Variants in RPS6KA6 observed in about 807,000 individuals in gnomAD.
RPS6KA6 encodes ribosomal protein S6 kinase A6.
In RPS6KA6, 27 loss-of-function variants were observed where a neutral mutation model predicts 65.4. The observed-to-expected ratio is 0.41, with a 90% confidence interval of 0.30 to 0.57. The LOEUF (loss-of-function observed/expected upper bound fraction) is 0.57, where lower values mean the gene tolerates loss of function less well. Among genes scored for constraint, RPS6KA6 ranks in the 20% least tolerant of loss-of-function variants. RPS6KA6 has a pLI of 0.24. For missense variants in RPS6KA6, 486 were observed against 555.6 expected (o/e 0.87, Z 1.26); for synonymous variants, 190 against 184.2 (o/e 1.03, Z -0.26).
intron 20 of RPS6KA6, among the ~76,000 whole-genome samples, chrX:84,069,409 T>C (rs1267810401): frequency 8.9e-6 from 1 of 111,828 alleles, no homozygotes; most frequent in Non-Finnish European, 1.9e-5. Context: ...ATATAAAAAT[T>C]AACTCAAGGT....
chrX:84,116,149 T>G (rs2034560511), intron 12 of RPS6KA6, 80 bp downstream of exon 12: 1 of 559,026 alleles, frequency 1.8e-6, no homozygotes. Flanking sequence ...ATTTGTTATT[T>G]AGATTAAAAG....
At chrX:84,070,759 A>T (rs1330841113) in intron 20 of RPS6KA6, among the ~76,000 whole-genome samples, 2 of 110,827 alleles carry the variant, frequency 1.8e-5, no homozygotes, top group African/African-American at 6.6e-5. Flanking sequence ...AAATAAATGG[A>T]CAATTAATAC....
chrX:84,102,884 C>G (rs1469201653), intron 17 of RPS6KA6, among the ~76,000 whole-genome samples: 1 of 110,438 alleles, frequency 9.1e-6, no homozygotes, highest in Non-Finnish European at 1.9e-5. Context: ...ACTCTGAATG[C>G]TGAGTGGAGG....
chrX:84,093,576 G>A (rs916157768), intron 20 of RPS6KA6, among the ~76,000 whole-genome samples: 6 of 111,892 alleles, frequency 5.4e-5, no homozygotes, highest in Non-Finnish European at 7.5e-5. Context: ...TAAAAGAGAC[G>A]TAAGAATAAA....
intron 18 of RPS6KA6, 41 bp from the exon 19 acceptor site, chrX:84,097,889 A>ATG: frequency 1.1e-6 from 1 of 943,974 alleles, no homozygotes. Context: ...ACTCAATATA[A>ATG]ACTCAATTTT....
intron 20 of RPS6KA6, among the ~76,000 whole-genome samples, chrX:84,071,814 T>C (rs1295395723): frequency 9.0e-6 from 1 of 111,471 alleles, no homozygotes; most frequent in African/African-American, 3.3e-5. Flanking sequence ...AACAACTATA[T>C]GCCAACAAAT....
At chrX:84,110,878 A>G (rs2034456649) in intron 12 of RPS6KA6, among the ~76,000 whole-genome samples, 1 of 110,646 alleles carries the variant, frequency 9.0e-6, no homozygotes, top group Non-Finnish European at 1.9e-5. Flanking sequence ...ATGACAGATA[A>G]AACATTCAGA....
At chrX:84,081,664 T>C (rs766673871) in intron 20 of RPS6KA6, among the ~76,000 whole-genome samples, 2 of 109,087 alleles carry the variant, frequency 1.8e-5, no homozygotes, top group African/African-American at 6.6e-5. Flanking sequence ...AACAACAACA[T>C]ATCCCAGATG....
rs757957268 is a variant in RPS6KA6 at position 84,058,940 on chromosome X, C to A, written c.*5337G>T. 9.4e-6 allele frequency: 1 copy of A among 106,570 alleles called. No individual in the cohort carries two copies. The highest frequency in any genetic ancestry group is 4.1e-4 in the South Asian group (1 of 2,444). The allele number at this position is 106,570 out of a possible 1,213,427, so 8.8% of individuals were successfully genotyped here. ...GTTGCTTCATAAAGCCTATGTAACT[C>A]CCAACTACCAACAGTACTTCCTGTT... On this transcript the variant is annotated 3_prime_UTR_variant, in exon 22 of 22. Transcript: ENST00000262752.
rs2033249771 is a variant in RPS6KA6, at chrX:84,058,763, T to A, written c.*5514A>T. 1 of 111,734 alleles carries A rather than the reference T, an allele frequency of 8.9e-6. No individual in the cohort carries two copies. The highest frequency in any genetic ancestry group is 3.7e-4 in the South Asian group (1 of 2,727). The allele number at this position is 111,734 out of a possible 1,213,427, so 9.2% of individuals were successfully genotyped here. On this transcript the variant is annotated 3_prime_UTR_variant, in exon 22 of 22. Coordinates refer to ENST00000262752, the MANE Select transcript of RPS6KA6 (RefSeq NM_014496.5). The stretch of plus-strand genomic sequence containing the variant: ...CACGTAAATCAAATTCACACACAAC[T>A]TTTATTTAATGCCATTTCAGTCTTC...
chrX:84,184,942 C>A (rs148385359), intron 1 of RPS6KA6, among the ~76,000 whole-genome samples: 6,803 of 108,821 alleles, frequency 0.063, 228 homozygotes, highest in East Asian at 0.21. Flanking sequence ...AAAATTACAT[C>A]ATCAACTTGA....
At position 84,062,388 on chromosome X, in the gene RPS6KA6, G is replaced by A. The variant is rs1159141021; in HGVS notation, c.*1889C>T. ...ATCACACCTCTGAGTTTGACTTATCGATTCTGATAGGAAGGCATAACAGCA... is the reference window on the plus strand; with the variant it reads ...ATCACACCTCTGAGTTTGACTTATCAATTCTGATAGGAAGGCATAACAGCA... On this transcript the variant is annotated 3_prime_UTR_variant, in exon 22 of 22. Transcript: ENST00000262752. 4 of 110,712 alleles carry A rather than the reference G, an allele frequency of 3.6e-5. No individual in the cohort carries two copies. Among genetic ancestry groups the A allele is most frequent in the Admixed American group, 9.7e-5 (1 of 10,340 alleles). The allele number at this position is 110,712 out of a possible 1,213,427, so 9.1% of individuals were successfully genotyped here. A position where few individuals can be genotyped will look rare whatever the true frequency, so the allele number is the denominator to read the frequency against.
intron 1 of RPS6KA6, among the ~76,000 whole-genome samples, chrX:84,169,423 G>T: frequency 1.6e-5 from 1 of 60,789 alleles, no homozygotes. Context: ...ACTGAACTGA[G>T]AAATTAAAAA....
At chrX:84,076,288 A>C (rs1428382721) in intron 20 of RPS6KA6, among the ~76,000 whole-genome samples, 3 of 111,890 alleles carry the variant, frequency 2.7e-5, no homozygotes, top group Non-Finnish European at 5.6e-5. Flanking sequence ...TTTGAAGAGG[A>C]GGGAATGTTT....
intron 8 of RPS6KA6, among the ~76,000 whole-genome samples, chrX:84,126,301 T>C (rs964468934): frequency 9.0e-6 from 1 of 111,252 alleles, no homozygotes; most frequent in Non-Finnish European, 1.9e-5. Context: ...ATAGAAAAAT[T>C]ATAAATATCT....
rs950843314 is a variant in RPS6KA6 at position 84,063,131 on chromosome X, A to G, written c.*1146T>C. On this transcript the variant is annotated 3_prime_UTR_variant, in exon 22 of 22. Coordinates refer to ENST00000262752, the MANE Select transcript of RPS6KA6 (RefSeq NM_014496.5). ...TAAATATGATTTTAAAATGTGCTCA[A>G]ATTTTTTGTAGACCATTAATATTAT... 9 of 111,671 alleles carry G rather than the reference A, an allele frequency of 8.1e-5. No individual in the cohort carries two copies. Among genetic ancestry groups the G allele is most frequent in the African/African-American group, 2.9e-4 (9 of 30,890 alleles). The allele number at this position is 111,671 out of a possible 1,213,427, so 9.2% of individuals were successfully genotyped here.
At chrX:84,149,499 T>C (rs1402455426) in intron 3 of RPS6KA6, among the ~76,000 whole-genome samples, 2 of 112,313 alleles carry the variant, frequency 1.8e-5, no homozygotes, top group African/African-American at 3.2e-5. Context: ...AATTATTCTT[T>C]GTTTCATGGG....
intron 8 of RPS6KA6, among the ~76,000 whole-genome samples, chrX:84,127,443 G>A (rs2034816820): frequency 9.0e-6 from 1 of 111,086 alleles, no homozygotes. Context: ...AATAGAGCAG[G>A]AGGGAATACT....
chrX:84,176,779 T>C (rs867172116), intron 1 of RPS6KA6, among the ~76,000 whole-genome samples: 1 of 111,774 alleles, frequency 8.9e-6, no homozygotes, highest in African/African-American at 3.3e-5. Flanking sequence ...CATATTACTC[T>C]ATTCTTTCAT....
Sources: gnomAD v4.1 joint callset for allele counts (sites outside exome capture counted in the v4.1 genomes callset) on GRCh38, gnomAD v4.1.1 for gene constraint, MANE v1.5 for transcripts, NCBI Gene and HGNC (gene_info 2026-07-23, HGNC 2026-07-21) for gene names.